PPP1R1C: variants seen among roughly 807,000 people sequenced by gnomAD.
The protein encoded by PPP1R1C is protein phosphatase 1 regulatory subunit 1C.
Under a neutral mutation model 17.4 loss-of-function variants are expected in PPP1R1C, and 15 were observed. The observed-to-expected ratio is 0.86, with a 90% CI of 0.58 to 1.33. The LOEUF is 1.33. PPP1R1C is among the 40% of genes most tolerant of loss of function. PPP1R1C has a pLI of 0.00. For missense variants in PPP1R1C, 143 were observed against 130.0 expected, an observed-to-expected ratio of 1.10 and a Z score of -0.48; for synonymous variants, 35 against 43.1, an observed-to-expected ratio of 0.81 and a Z score of 0.73.
At chr2:181,992,184 C>T (rs574801463) in intron 2 of PPP1R1C, among the ~76,000 whole-genome samples, 2 of 137,474 alleles carry the variant, frequency 1.5e-5, no homozygotes, top group South Asian at 2.4e-4. Context: ...CATAATTAAC[C>T]GGGCTTTTCA....
chr2:182,067,986 T>C (rs1297275782), intron 4 of PPP1R1C, among the ~76,000 whole-genome samples: 2 of 152,116 alleles, frequency 1.3e-5, no homozygotes, highest in Non-Finnish European at 2.9e-5. Flanking sequence ...GGTATTCTTT[T>C]GAGAACATCT....
At chr2:182,094,991 T>C (rs919381228) in intron 4 of PPP1R1C, among the ~76,000 whole-genome samples, 4 of 152,146 alleles carry the variant, frequency 2.6e-5, no homozygotes, top group Admixed American at 6.5e-5. Context: ...ATGAACCCCA[T>C]TTAAGAAGTG....
chr2:182,130,680 T>C (rs1052137125), downstream of PPP1R1C: 1 of 152,208 alleles, frequency 6.6e-6, no homozygotes, highest in Admixed American at 6.5e-5. Flanking sequence ...CAGCATATAT[T>C]CTGTGGATGT....
intron 4 of PPP1R1C, among the ~76,000 whole-genome samples, chr2:182,064,755 T>C (rs1687941365): frequency 6.6e-6 from 1 of 151,454 alleles, no homozygotes; most frequent in Non-Finnish European, 1.5e-5. Flanking sequence ...ATCAGCATTG[T>C]AGTTTATTCC....
At chr2:181,992,372 G>A (rs1407296044) in intron 2 of PPP1R1C, among the ~76,000 whole-genome samples, 1 of 134,162 alleles carries the variant, frequency 7.5e-6, no homozygotes, top group Non-Finnish European at 1.7e-5. Context: ...TCTCCCTAAG[G>A]GCTTTAATAA....
At chr2:182,076,251 C>T (rs1362420224) in intron 4 of PPP1R1C, among the ~76,000 whole-genome samples, 3 of 64,256 alleles carry the variant, frequency 4.7e-5, no homozygotes, top group East Asian at 1.1e-3. Flanking sequence ...GACGGAGTCT[C>T]GCTTTGTCTC....
intron 2 of PPP1R1C, among the ~76,000 whole-genome samples, chr2:182,028,318 G>T (rs563334925): frequency 0.015 from 2,110 of 140,038 alleles, 50 homozygotes; most frequent in African/African-American, 0.055. Flanking sequence ...TGTCAATTTT[G>T]GATCTTTCCT....
chr2:182,076,427 G>A (rs1424184110), intron 4 of PPP1R1C, among the ~76,000 whole-genome samples: 4 of 150,544 alleles, frequency 2.7e-5, no homozygotes, highest in Non-Finnish European at 4.4e-5. Context: ...CTCTCCTACT[G>A]TCTGTTCATC....
In PPP1R1C at chr2:181,987,836, C is replaced by T; in HGVS notation, c.82-3C>T. ...ATATTAGCTGGGCTTTTGTCGTTCA[C>T]AGATCAGGAAAAGAAGACCTACACC... On this transcript the variant is annotated splice_polypyrimidine_tract_variant and splice_region_variant and intron_variant, in intron 1 of 4. Coordinates refer to ENST00000682840, the MANE Select transcript of PPP1R1C (RefSeq NM_001080545.3). The T allele has an allele frequency of 1.2e-6, 2 of 1,612,940 alleles. No individual in the cohort carries two copies. The highest frequency in any genetic ancestry group is 1.1e-5 in the South Asian group (1 of 90,954).
downstream of PPP1R1C, among the ~76,000 whole-genome samples, chr2:182,119,993 C>G (rs1689692369): frequency 2.0e-5 from 3 of 152,164 alleles, no homozygotes; most frequent in South Asian, 6.2e-4. Context: ...TGCCTATGTC[C>G]TGAATGGTAT....
chr2:182,034,403 AT>A (rs1196025511), intron 2 of PPP1R1C, among the ~76,000 whole-genome samples: 1 of 152,150 alleles, frequency 6.6e-6, no homozygotes, highest in African/African-American at 2.4e-5. Flanking sequence ...TAGAGTGTAT[AT>A]TTTTTAATTA....
intron 2 of PPP1R1C, among the ~76,000 whole-genome samples, chr2:181,979,831 C>A (rs1441667928): frequency 6.6e-6 from 1 of 152,190 alleles, no homozygotes; most frequent in Non-Finnish European, 1.5e-5. Context: ...CCCAGCTTTG[C>A]AAGACTTTCT....
At chr2:181,972,926 A>G (rs138222702) in intron 1 of PPP1R1C, among the ~76,000 whole-genome samples, 139 of 152,284 alleles carry the variant, frequency 9.1e-4, no homozygotes, top group African/African-American at 3.2e-3. Context: ...TTCTTTCTGA[A>G]TTAAGAATTA....
At position 181,976,933 on chromosome 2, in the gene PPP1R1C, T is replaced by C. The variant is rs1685100509; in HGVS notation, n.157+1669T>C. On this transcript the variant is annotated intron_variant and non_coding_transcript_variant, in intron 2 of 5. Coordinates refer to the PPP1R1C transcript ENST00000464264. This position sits in a 1 kb window ranked among gnomAD's most constrained non-coding sequence, Gnocchi z 4.8. ...CAGGTGGATCACTTGAGGCCAGGAG[T>C]TCAAGACCAGCCTGGGCAACATAGC... 6.7e-6 allele frequency among the ~76,000 whole-genome samples: 1 copy of C among 150,372 alleles called. No homozygotes were observed. The highest frequency in any genetic ancestry group is 1.5e-5 in the Non-Finnish European group (1 of 67,590).
chr2:181,998,753 C>T (rs1435893236), intron 2 of PPP1R1C, among the ~76,000 whole-genome samples: 4 of 152,136 alleles, frequency 2.6e-5, no homozygotes, highest in East Asian at 1.9e-4. Flanking sequence ...TAAAGATTTC[C>T]GATCAACTAG....
chr2:182,047,605 A>G (rs1324898929), intron 2 of PPP1R1C, among the ~76,000 whole-genome samples: 1 of 152,228 alleles, frequency 6.6e-6, no homozygotes, highest in Non-Finnish European at 1.5e-5. Flanking sequence ...AACTCCAAGA[A>G]GGCAGAAAAA....
chr2:182,088,395 T>A (rs1574441912), intron 4 of PPP1R1C, among the ~76,000 whole-genome samples: 3 of 152,344 alleles, frequency 2.0e-5, no homozygotes, highest in Admixed American at 2.0e-4. Context: ...AATCTTCTAG[T>A]CAATGATTAA....
Position 181,985,967 on chromosome 2 carries a change from C to T in PPP1R1C, c.-144C>T. On this transcript the variant is annotated 5_prime_UTR_variant, in exon 1 of 5. Coordinates refer to ENST00000682840, the MANE Select transcript of PPP1R1C (RefSeq NM_001080545.3). This position sits in a 1 kb window ranked among gnomAD's most constrained non-coding sequence, Gnocchi z 4.1. ...GGTTACTCAAACCTCGGCATCTTCACTTGCTCGATCTGGAATTACAGCTAT... is the reference window on the plus strand; with the variant it reads ...GGTTACTCAAACCTCGGCATCTTCATTTGCTCGATCTGGAATTACAGCTAT... 1 of 683,886 alleles carries T rather than the reference C, an allele frequency of 1.5e-6. No homozygotes were observed. The highest frequency in any genetic ancestry group is 2.6e-6 in the Non-Finnish European group (1 of 387,178). 42.4% of individuals were successfully genotyped at this position (683,886 alleles called of 1,614,324 possible).
At chr2:181,990,954 T>C (rs1488712306) in intron 2 of PPP1R1C, among the ~76,000 whole-genome samples, 1 of 152,244 alleles carries the variant, frequency 6.6e-6, no homozygotes, top group Non-Finnish European at 1.5e-5. Context: ...TCATTAATGC[T>C]GTTTAAAATT....
Sources: gnomAD v4.1 joint callset for allele counts (sites outside exome capture counted in the v4.1 genomes callset) on GRCh38, gnomAD v4.1.1 for gene constraint, Gnocchi (gnomAD v3.1) non-coding constraint, MANE v1.5 for transcripts, NCBI Gene and HGNC (gene_info 2026-07-23, HGNC 2026-07-21) for gene names.